Variants in COPA observed in about 807,000 individuals in gnomAD.
The protein encoded by COPA is coat protein complex I subunit alpha, also known as coatomer subunit alpha.
In COPA, 10 loss-of-function variants were observed where a neutral mutation model predicts 158.7. The ratio of observed to expected loss-of-function variants is 0.06; its 90% CI spans 0.04 to 0.11. COPA has a LOEUF of 0.11. Among genes scored for constraint, COPA ranks in the 10% least tolerant of loss-of-function variants. COPA has a pLI of 1.00. For synonymous variants in COPA, 462 were observed against 542.8 expected, an observed-to-expected ratio of 0.85 and a Z score of 2.07; for missense variants, 1,065 against 1,536.7, an observed-to-expected ratio of 0.69 and a Z score of 5.13.
chr1:160,336,453 GT>G (rs1382413595), intron 3 of COPA, among the ~76,000 whole-genome samples: 1 of 152,104 alleles, frequency 6.6e-6, no homozygotes, highest in Non-Finnish European at 1.5e-5. Context: ...TGTGTGGTCT[GT>G]ACTCACCTGT....
chr1:160,301,387 A>G (rs1360715808), intron 17 of COPA, among the ~76,000 whole-genome samples: 1 of 152,222 alleles, frequency 6.6e-6, no homozygotes, highest in Non-Finnish European at 1.5e-5. Context: ...TTCCAAAATC[A>G]GAAAAAAATC....
At chr1:160,323,738 T>A (rs536534830) in intron 7 of COPA, among the ~76,000 whole-genome samples, 3 of 152,364 alleles carry the variant, frequency 2.0e-5, no homozygotes, top group African/African-American at 7.2e-5. Flanking sequence ...AATTTCCAAA[T>A]ACATATTTCT....
Position 160,293,242 on chromosome 1 carries a change from G to A in COPA, c.2755-8C>T. On this transcript the variant is annotated splice_region_variant and splice_polypyrimidine_tract_variant and intron_variant, in intron 26 of 32. Transcript: ENST00000241704. Reference sequence around the variant, plus strand: ...AGAGTTATTACACCAGATCTAACAAGAAACAAAAAAACCCAAGCCAAGTGA... The same window carrying A: ...AGAGTTATTACACCAGATCTAACAAAAAACAAAAAAACCCAAGCCAAGTGA... 1 of 1,613,822 alleles carries A rather than the reference G, an allele frequency of 6.2e-7. No individual in the cohort carries two copies. The highest frequency in any genetic ancestry group is 1.1e-5 in the South Asian group (1 of 91,052).
At chr1:160,330,212 G>A (rs1647441358) in intron 6 of COPA, among the ~76,000 whole-genome samples, 1 of 152,040 alleles carries the variant, frequency 6.6e-6, no homozygotes, top group Non-Finnish European at 1.5e-5. Flanking sequence ...GACAGAGAGA[G>A]TGCTTTGAAT....
intron 17 of COPA, among the ~76,000 whole-genome samples, chr1:160,300,705 T>C (rs572756908): frequency 6.6e-6 from 1 of 152,312 alleles, no homozygotes; most frequent in African/African-American, 2.4e-5. Context: ...GTAATCTCAC[T>C]TATAAATATG....
At chr1:160,312,495 C>T (rs1399962377) in intron 10 of COPA, among the ~76,000 whole-genome samples, 1 of 151,690 alleles carries the variant, frequency 6.6e-6, no homozygotes, top group African/African-American at 2.4e-5. Context: ...CTACTAGCAC[C>T]ATCATCCCTT....
Position 160,291,816 on chromosome 1 carries a change from T to C in COPA, c.3258+3A>G, listed in dbSNP as rs1306057070. 2 of 1,613,866 alleles carry C rather than the reference T, an allele frequency of 1.2e-6. No homozygotes were observed. The highest frequency in any genetic ancestry group is 1.7e-6 in the Non-Finnish European group (2 of 1,179,788). Reference sequence around the variant, plus strand: ...GTTGTGCTCAGGGTCCTATAGATCTTACCTCACAGATGCGCTTCTGCTGTT... The same window carrying C: ...GTTGTGCTCAGGGTCCTATAGATCTCACCTCACAGATGCGCTTCTGCTGTT... On this transcript the variant is annotated splice_donor_region_variant and intron_variant, in intron 30 of 32. Coordinates refer to ENST00000241704, the MANE Select transcript of COPA (RefSeq NM_004371.4).
chr1:160,290,136 C>A lies in COPA; in HGVS notation c.*21G>T, dbSNP rs535699604. 2 of 1,612,734 alleles carry A rather than the reference C, an allele frequency of 1.2e-6. No individual in the cohort carries two copies. The highest frequency in any genetic ancestry group is 2.2e-5 in the East Asian group (1 of 44,870). On this transcript the variant is annotated 3_prime_UTR_variant, in exon 33 of 33. Coordinates refer to ENST00000241704, the MANE Select transcript of COPA (RefSeq NM_004371.4). ...TCTGGGGGGAACATATGGTGACTGA[C>A]CCATGCACACAAAGGGGGCCTTAGC... is the stretch of plus-strand genomic sequence containing the variant.
chr1:160,311,674 G>A (rs554625235), intron 11 of COPA, among the ~76,000 whole-genome samples, 194 bp downstream of exon 11: 80 of 152,126 alleles, frequency 5.3e-4, no homozygotes, highest in African/African-American at 1.9e-3. Context: ...GTGAACCCGG[G>A]AGGCGGAGCT....
At chr1:160,307,536 C>T (rs948913369) in intron 13 of COPA, among the ~76,000 whole-genome samples, 1 of 152,234 alleles carries the variant, frequency 6.6e-6, no homozygotes, top group Non-Finnish European at 1.5e-5. Context: ...TGGGAGACAG[C>T]ACACTCCATC....
At chr1:160,327,489 G>A (rs998743913) in intron 6 of COPA, among the ~76,000 whole-genome samples, 6 of 151,512 alleles carry the variant, frequency 4.0e-5, no homozygotes, top group African/African-American at 4.9e-5. Context: ...GGGGCGCAGC[G>A]CGGAGGTTGC....
At chr1:160,297,897 C>T (rs1658465247) in intron 19 of COPA, 152 bp from the exon 20 acceptor site, 4 of 899,578 alleles carry the variant, frequency 4.4e-6, no homozygotes, top group Non-Finnish European at 6.5e-6. Context: ...CATTGAAAAT[C>T]GGCTGGGTGC....
chr1:160,336,656 A>T (rs1490488555), intron 3 of COPA, among the ~76,000 whole-genome samples: 4 of 152,216 alleles, frequency 2.6e-5, no homozygotes, highest in African/African-American at 9.6e-5. Context: ...CCTCATTCAG[A>T]AAATCCCCTA....
intron 8 of COPA, among the ~76,000 whole-genome samples, chr1:160,321,828 C>T (rs1417466286): frequency 6.6e-6 from 1 of 151,702 alleles, no homozygotes; most frequent in African/African-American, 2.4e-5. Flanking sequence ...AGTGAATAAT[C>T]TGAAAAAAAA....
chr1:160,293,605 C>T (rs1327533499), intron 25 of COPA, 142 bp from the exon 26 acceptor site: 2 of 652,212 alleles, frequency 3.1e-6, no homozygotes, highest in African/African-American at 3.8e-5. Context: ...AGCAATCCTC[C>T]AACCTCAGCT....
At chr1:160,291,639 A>C (rs1049744755) in intron 30 of COPA, 143 bp from the exon 31 acceptor site, 2 of 1,147,160 alleles carry the variant, frequency 1.7e-6, no homozygotes, top group Admixed American at 2.2e-5. Flanking sequence ...CCTCCTAGGT[A>C]TGGAGGACTG....
At chr1:160,341,687 C>A (rs1167866363) in intron 1 of COPA, among the ~76,000 whole-genome samples, 1 of 152,082 alleles carries the variant, frequency 6.6e-6, no homozygotes, top group Non-Finnish European at 1.5e-5. Flanking sequence ...CTAAGACCCT[C>A]CCCCCAAAAA....
At chr1:160,333,461 A>T in intron 5 of COPA, 142 bp downstream of exon 5, 1 of 551,672 alleles carries the variant, frequency 1.8e-6, no homozygotes, top group Non-Finnish European at 3.1e-6. Context: ...TTTTGCACTT[A>T]AAAGCATCCT....
At position 160,290,519 on chromosome 1, in the gene COPA, G is replaced by A. The variant is rs779654837; in HGVS notation, c.3588C>T (p.Phe1196=). 6.2e-7 allele frequency: 1 copy of A among 1,614,142 alleles called. No homozygotes were observed. The highest frequency in any genetic ancestry group is 1.1e-5 in the South Asian group (1 of 91,084). ...PLSGACYSPE[F]KGQICRVTTV... ...TGGTGACCCTGCAGATTTGACCTTTGAACTCAGGGGAATAGCAGGCCCCAC... is the reference window on the plus strand; with the variant it reads ...TGGTGACCCTGCAGATTTGACCTTTAAACTCAGGGGAATAGCAGGCCCCAC... The change falls in exon 32 of 33, where the codon TTC becomes TTT. Residue 1196 remains phenylalanine (F), a synonymous_variant. Coordinates refer to ENST00000241704, the MANE Select transcript of COPA (RefSeq NM_004371.4).
Sources: gnomAD v4.1 joint callset for allele counts (sites outside exome capture counted in the v4.1 genomes callset) on GRCh38, gnomAD v4.1.1 for gene constraint, MANE v1.5 for transcripts, NCBI Gene and HGNC (gene_info 2026-07-23, HGNC 2026-07-21) for gene names.